The following TNRC6A variants were observed in gnomAD, a reference collection of about 807,000 sequenced individuals.
TNRC6A encodes the protein trinucleotide repeat-containing gene 6A protein.
TNRC6A carries 44 observed loss-of-function variants against 221.2 expected under a neutral mutation model. That is an observed-to-expected ratio of 0.20 (90% CI 0.16 to 0.26). TNRC6A has a LOEUF of 0.26. Ranked by LOEUF, TNRC6A falls within the 10% of genes least tolerant of loss-of-function variation. TNRC6A has a pLI of 1.00. For missense variants in TNRC6A, 2,199 were observed against 2,404.4 expected, an observed-to-expected ratio of 0.91 and a Z score of 1.79; for synonymous variants, 847 against 838.5, an observed-to-expected ratio of 1.01 and a Z score of -0.18.
intron 9 of TNRC6A, among the ~76,000 whole-genome samples, 169 bp from the exon 10 acceptor site, chr16:24,797,321 C>T (rs1228745184): frequency 6.6e-6 from 1 of 152,104 alleles, no homozygotes; most frequent in African/African-American, 2.4e-5. Flanking sequence ...AGTTGAAAAT[C>T]AAATAAGTTG....
Position 24,631,981 on chromosome 16 carries a change from C to T in TNRC6A, n.277-8903C>T, listed in dbSNP as rs1264348367. 2.0e-5 allele frequency among the ~76,000 whole-genome samples: 3 copies of T among 151,814 alleles called. No individual in the cohort carries two copies. The East Asian group carries it at 5.8e-4, about 29-fold the overall frequency. On this transcript the variant is annotated intron_variant and non_coding_transcript_variant, in intron 1 of 2. Coordinates refer to the TNRC6A transcript ENST00000566108. ...TCAAGGGATCCTCCTATCTCAGCCT[C>T]CTGAGTAGCTGGAACCACAGGTGTG...
chr16:24,708,244 GT>G (rs778579144), intron 2 of TNRC6A, among the ~76,000 whole-genome samples: 39 of 138,502 alleles, frequency 2.8e-4, no homozygotes, highest in Non-Finnish European at 3.5e-4. Flanking sequence ...ACATGGATGA[GT>G]TTTTTTTTTT....
At chr16:24,638,488 G>A (rs187752419) in intron 1 of TNRC6A, among the ~76,000 whole-genome samples, 17 of 152,220 alleles carry the variant, frequency 1.1e-4, no homozygotes, top group Admixed American at 2.0e-4. Flanking sequence ...CGAGGCAGGC[G>A]GATCGCTTGA....
At chr16:24,616,807 G>A (rs1373750716) in intron 1 of TNRC6A, among the ~76,000 whole-genome samples, 1 of 152,076 alleles carries the variant, frequency 6.6e-6, no homozygotes, top group Admixed American at 6.6e-5. Flanking sequence ...GGTAGTGCAT[G>A]CTACTCAGGA....
chr16:24,806,365 A>G, intron 16 of TNRC6A, 82 bp downstream of exon 16: 1 of 1,538,754 alleles, frequency 6.5e-7, no homozygotes, highest in Non-Finnish European at 8.9e-7. Flanking sequence ...AGATTCAGAA[A>G]TGTCTTTCTT....
At chr16:24,706,393 A>T (rs76080327) in intron 2 of TNRC6A, among the ~76,000 whole-genome samples, 1 of 152,202 alleles carries the variant, frequency 6.6e-6, no homozygotes, top group Non-Finnish European at 1.5e-5. Flanking sequence ...GAAGCACATT[A>T]TAAAGCTACA....
At chr16:24,647,910 C>CCACAGCAACCATTT in intron 2 of TNRC6A, among the ~76,000 whole-genome samples, 1 of 152,232 alleles carries the variant, frequency 6.6e-6, no homozygotes, top group East Asian at 1.9e-4. Context: ...TGCACCCAGC[C>CCACAGCAACCATTT]TATTTTCTAT....
At chr16:24,811,804 A>C (rs1484347830) in intron 18 of TNRC6A, among the ~76,000 whole-genome samples, 3 of 152,054 alleles carry the variant, frequency 2.0e-5, no homozygotes, top group African/African-American at 7.2e-5. Flanking sequence ...GATTGCTAGT[A>C]AAATGATATT....
chr16:24,736,526 C>T lies in TNRC6A; in HGVS notation c.53+6226C>T, dbSNP rs538732797. Among the ~76,000 whole-genome samples the T allele has an allele frequency of 1.0e-3, 154 of 152,172 alleles. 3 individuals carry two copies. Among genetic ancestry groups the T allele is most frequent in the South Asian group, 1.9e-3 (9 of 4,820 alleles). ...TTTCTCTTACATTAGGAGCATTTTC[C>T]TGCCCTTTTCTGCTTCTCTCTTGAC... On this transcript the variant is annotated intron_variant, in intron 2 of 24. Coordinates refer to ENST00000395799, the MANE Select transcript of TNRC6A (RefSeq NM_014494.4).
chr16:24,814,317 T>C (rs1239805909), intron 18 of TNRC6A, among the ~76,000 whole-genome samples: 1 of 151,988 alleles, frequency 6.6e-6, no homozygotes, highest in African/African-American at 2.4e-5. Flanking sequence ...TCTATTTGCA[T>C]CCACCTCAAA....
At chr16:24,768,143 G>A (rs1020714177) in intron 4 of TNRC6A, among the ~76,000 whole-genome samples, 15 of 152,190 alleles carry the variant, frequency 9.9e-5, no homozygotes, top group African/African-American at 3.6e-4. Flanking sequence ...TTTAAAAAGT[G>A]TGCCTGGGCC....
Position 24,823,910 on chromosome 16 carries a change from A to G in TNRC6A, c.*103A>G, listed in dbSNP as rs942733243. 4.1e-6 allele frequency: 5 copies of G among 1,206,340 alleles called. No homozygotes were observed. The highest frequency in any genetic ancestry group is 5.5e-6 in the Non-Finnish European group (5 of 912,928). The allele number at this position is 1,206,340 out of a possible 1,614,324, so 74.7% of individuals were successfully genotyped here. A position where few individuals can be genotyped will look rare whatever the true frequency, so the allele number is the denominator to read the frequency against. ...CCAGGGGCCGCCTGTGGGAACAGCT[A>G]TTCTCTGCACATTTTCCACTTTGTT... On this transcript the variant is annotated 3_prime_UTR_variant, in exon 25 of 25. Transcript: ENST00000395799. This position sits in a 1 kb window ranked among gnomAD's most constrained non-coding sequence, Gnocchi z 4.3.
chr16:24,648,408 C>T (rs1351679593), intron 2 of TNRC6A, among the ~76,000 whole-genome samples: 1 of 151,780 alleles, frequency 6.6e-6, no homozygotes, highest in Non-Finnish European at 1.5e-5. Flanking sequence ...GTAGCTAGGA[C>T]TACAGGTGCC....
At chr16:24,716,538 G>A (rs1333276650) in intron 2 of TNRC6A, among the ~76,000 whole-genome samples, 1 of 152,108 alleles carries the variant, frequency 6.6e-6, no homozygotes, top group African/African-American at 2.4e-5. Context: ...GCGTGATGGT[G>A]CACGCCTGTA....
chr16:24,709,839 AAAG>A (rs1258465636), intron 2 of TNRC6A, among the ~76,000 whole-genome samples: 3 of 151,860 alleles, frequency 2.0e-5, no homozygotes, highest in Admixed American at 6.6e-5. Flanking sequence ...AAAAAAAAAA[AAAG>A]AAGTTTATAT....
At chr16:24,663,896 A>G (rs1201718999) in intron 2 of TNRC6A, 2 of 456,522 alleles carry the variant, frequency 4.4e-6, no homozygotes, top group Non-Finnish European at 8.8e-6. Context: ...CCCTCTTATC[A>G]GGCAGAATAT....
chr16:24,691,416 T>C (rs1018921310), intron 2 of TNRC6A, among the ~76,000 whole-genome samples: 2 of 152,182 alleles, frequency 1.3e-5, no homozygotes, highest in African/African-American at 4.8e-5. Context: ...ATCAAGCTCA[T>C]AGACAACAAT....
intron 12 of TNRC6A, 34 bp from the exon 13 acceptor site, chr16:24,804,671 C>T (rs756724225): frequency 1.9e-6 from 3 of 1,544,970 alleles, no homozygotes; most frequent in Non-Finnish European, 2.6e-6. Context: ...GTTTGCTTGG[C>T]TGGTGTTGCA....
At chr16:24,640,640 G>A (rs1234462319) in intron 1 of TNRC6A, among the ~76,000 whole-genome samples, 1 of 151,192 alleles carries the variant, frequency 6.6e-6, no homozygotes, top group Non-Finnish European at 1.5e-5. Context: ...GTGGCAGGAG[G>A]ATCGCCTGAG....
Sources: allele counts gnomAD v4.1 joint callset (sites outside exome capture counted in the v4.1 genomes callset), GRCh38; gene constraint gnomAD v4.1.1; non-coding constraint Gnocchi (gnomAD v3.1); transcripts MANE v1.5; gene names NCBI Gene and HGNC (gene_info 2026-07-23, HGNC 2026-07-21).